DNAH9: variants seen among roughly 807,000 people sequenced by gnomAD.
DNAH9 encodes DNAH9 variant protein.
A neutral mutation model predicts 471.6 loss-of-function variants in DNAH9; 345 were observed. The observed-to-expected ratio is 0.73, with a 90% CI of 0.67 to 0.80. DNAH9 has a LOEUF of 0.80. Ranked by LOEUF, DNAH9 falls within the 30% of genes least tolerant of loss-of-function variation. The pLI is 0.00. For synonymous variants in DNAH9, 2,093 were observed against 2,123.6 expected (o/e 0.99, Z 0.40); for missense variants, 5,407 against 5,609.2 (o/e 0.96, Z 1.15).
chr17:11,893,958 CTG>C (rs1277610800), intron 58 of DNAH9, among the ~76,000 whole-genome samples: 31 of 152,330 alleles, frequency 2.0e-4, no homozygotes, highest in African/African-American at 6.3e-4. Flanking sequence ...CTTCTCTACT[CTG>C]TAACTCCTTT....
At chr17:11,680,964 G>A in intron 19 of DNAH9, 75 bp downstream of exon 19, 1 of 1,358,992 alleles carries the variant, frequency 7.4e-7, no homozygotes, top group Admixed American at 2.2e-5. Flanking sequence ...TTTTTGTGGG[G>A]CGTGTGTATT....
intron 48 of DNAH9, among the ~76,000 whole-genome samples, chr17:11,830,347 A>T (rs768525896): frequency 6.6e-6 from 1 of 152,214 alleles, no homozygotes; most frequent in Non-Finnish European, 1.5e-5. Flanking sequence ...GATAGAAGAA[A>T]TGTTTATAAA....
chr17:11,758,063 C>T (rs1209297468), intron 35 of DNAH9, among the ~76,000 whole-genome samples: 1 of 152,192 alleles, frequency 6.6e-6, no homozygotes, highest in Admixed American at 6.5e-5. Flanking sequence ...GCCAGATCAA[C>T]AGACCTAGGG....
At chr17:11,924,992 C>T (rs186530416) in intron 62 of DNAH9, among the ~76,000 whole-genome samples, 68 of 152,238 alleles carry the variant, frequency 4.5e-4, no homozygotes, top group African/African-American at 1.4e-3. Context: ...CTCTCAGGGC[C>T]GGCCTGCCTA....
intron 26 of DNAH9, among the ~76,000 whole-genome samples, chr17:11,708,014 C>CACAG (rs1695492180): frequency 1.1e-4 from 6 of 52,212 alleles, no homozygotes; most frequent in African/African-American, 4.3e-4. Context: ...CACACACACA[C>CACAG]AGAGAGAGAG....
At chr17:11,798,868 C>T (rs1033437041) in intron 43 of DNAH9, among the ~76,000 whole-genome samples, 4 of 152,118 alleles carry the variant, frequency 2.6e-5, no homozygotes, top group Non-Finnish European at 5.9e-5. Flanking sequence ...TACCCCCAGT[C>T]CCCCACCCCA....
chr17:11,750,588 T>C (rs1967106003), intron 32 of DNAH9, among the ~76,000 whole-genome samples: 1 of 152,146 alleles, frequency 6.6e-6, no homozygotes, highest in African/African-American at 2.4e-5. Context: ...CATTCTCTGA[T>C]AATAATGGAA....
rs1216700718 is a variant in DNAH9, at chr17:11,623,820, G to GT, written c.1350+4041dup. Among the ~76,000 whole-genome samples, 1 of 152,144 alleles carries GT rather than the reference G, an allele frequency of 6.6e-6. No homozygotes were observed. The highest frequency in any genetic ancestry group is 1.5e-5 in the Non-Finnish European group (1 of 68,036). ...ATCTCTCTGCATGCTCTCGTCACGG[G>GT]TTAGAGTGTGAAGGGCTGGTTTTTA... is the stretch of plus-strand genomic sequence containing the variant. On this transcript the variant is annotated intron_variant, in intron 6 of 68. Transcript: ENST00000262442. The surrounding 1 kb of genome is among the most constrained non-coding windows in gnomAD (Gnocchi z 4.1).
chr17:11,641,860 C>T (rs117922274), intron 10 of DNAH9, among the ~76,000 whole-genome samples: 20 of 152,198 alleles, frequency 1.3e-4, no homozygotes, highest in Non-Finnish European at 1.9e-4. Context: ...GGAAACAGAT[C>T]GGGCAGAGAA....
At chr17:11,933,672 G>A (rs545585488) in intron 64 of DNAH9, among the ~76,000 whole-genome samples, 17 of 152,180 alleles carry the variant, frequency 1.1e-4, no homozygotes, top group South Asian at 6.2e-4. Context: ...GAGCCACCGC[G>A]CCCGGCCTTC....
intron 41 of DNAH9, among the ~76,000 whole-genome samples, chr17:11,786,418 G>A (rs1462204868): frequency 2.0e-5 from 3 of 152,188 alleles, no homozygotes; most frequent in African/African-American, 7.2e-5. Context: ...GGAAAGGAGA[G>A]ATGAGGTTGG....
intron 52 of DNAH9, among the ~76,000 whole-genome samples, chr17:11,873,808 T>G (rs1597772028): frequency 7.6e-6 from 1 of 132,240 alleles, no homozygotes; most frequent in Admixed American, 8.3e-5. Context: ...GTTTTGGGGG[T>G]AGAGCCGATG....
rs59985230 is a variant in DNAH9, at chr17:11,790,496, T to C, written c.8062-3007T>C. On this transcript the variant is annotated intron_variant, in intron 41 of 68. Coordinates refer to ENST00000262442, the MANE Select transcript of DNAH9 (RefSeq NM_001372.4). Reference sequence around the variant, plus strand: ...CATTAGTATGTATGACTATTCCATATCTTTAGTCAATATTTTTATGACATG... The same window carrying C: ...CATTAGTATGTATGACTATTCCATACCTTTAGTCAATATTTTTATGACATG... Among the ~76,000 whole-genome samples, 878 of 152,160 alleles carry C rather than the reference T, an allele frequency of 5.8e-3. 7 individuals carry two copies. Among genetic ancestry groups the C allele is most frequent in the African/African-American group, 0.02 (836 of 41,550 alleles).
intron 27 of DNAH9, among the ~76,000 whole-genome samples, chr17:11,721,989 T>C (rs2075068186): frequency 6.6e-6 from 1 of 152,132 alleles, no homozygotes; most frequent in Non-Finnish European, 1.5e-5. Flanking sequence ...ATGTCAGCTT[T>C]AAAGCCATGA....
chr17:11,888,143 T>C lies in DNAH9; in HGVS notation c.11112+1178T>C, dbSNP rs190590710. 3.4e-3 allele frequency among the ~76,000 whole-genome samples: 510 copies of C among 152,006 alleles called. 4 individuals carry two copies. The highest frequency in any genetic ancestry group is 0.011 in the African/African-American group (466 of 41,474). On this transcript the variant is annotated intron_variant, in intron 57 of 68. Coordinates refer to ENST00000262442, the MANE Select transcript of DNAH9 (RefSeq NM_001372.4). ...GACTACAGGTGCCCACCACCGCACCTGGCTAATTTTTTTTGTATTTTTAGT... is the reference window on the plus strand; with the variant it reads ...GACTACAGGTGCCCACCACCGCACCCGGCTAATTTTTTTTGTATTTTTAGT...
Position 11,629,416 on chromosome 17 carries a change from G to A in DNAH9, c.1351-1G>A. ...AACTTTTTTGTGAATTGTCCCCATAGGGTCTTCTGAAGACGGCCCTGGATT... is the reference window on the plus strand; with the variant it reads ...AACTTTTTTGTGAATTGTCCCCATAAGGTCTTCTGAAGACGGCCCTGGATT... On this transcript the variant is annotated splice_acceptor_variant, in intron 6 of 68. Transcript: ENST00000262442. LOFTEE classifies it high-confidence loss of function. 6.2e-7 allele frequency: 1 copy of A among 1,613,686 alleles called. No homozygotes were observed. Among genetic ancestry groups the A allele is most frequent in the Non-Finnish European group, 8.5e-7 (1 of 1,179,736 alleles).
chr17:11,723,745 G>A, intron 27 of DNAH9, among the ~76,000 whole-genome samples: 1 of 151,746 alleles, frequency 6.6e-6, no homozygotes. Context: ...TCAGCTCACT[G>A]CAAGCTCCAC....
intron 48 of DNAH9, among the ~76,000 whole-genome samples, chr17:11,831,844 C>T (rs958768755): frequency 1.3e-5 from 2 of 152,196 alleles, no homozygotes; most frequent in African/African-American, 4.8e-5. Context: ...CCCACCACCA[C>T]TGCATTGTCA....
chr17:11,874,007 G>A (rs759502943), intron 52 of DNAH9, among the ~76,000 whole-genome samples: 12 of 152,114 alleles, frequency 7.9e-5, no homozygotes, highest in Non-Finnish European at 1.6e-4. Context: ...TATTTTGGGA[G>A]GCCGAAGCAG....
Sources: gnomAD v4.1 joint callset for allele counts (sites outside exome capture counted in the v4.1 genomes callset) on GRCh38, gnomAD v4.1.1 for gene constraint, Gnocchi (gnomAD v3.1) non-coding constraint, MANE v1.5 for transcripts, NCBI Gene and HGNC (gene_info 2026-07-23, HGNC 2026-07-21) for gene names.